ANXA8: variants seen among roughly 807,000 people sequenced by gnomAD.
ANXA8 encodes the protein annexin A8, also known as VAC-beta.
Under a neutral mutation model 26.8 loss-of-function variants are expected in ANXA8, and 9 were observed. The ratio of observed to expected loss-of-function variants is 0.34; its 90% CI spans 0.20 to 0.59. The LOEUF is 0.59. ANXA8 is among the 20% of genes least tolerant of loss of function. The pLI is 0.84. For synonymous variants in ANXA8, 39 were observed against 94.8 expected (o/e 0.41, Z 3.42); for missense variants, 83 against 238.5 (o/e 0.35, Z 4.29).
At chr10:47,714,301 C>T in the ANXA8 span, among the ~76,000 whole-genome samples, 2 of 141,694 alleles carry the variant, frequency 1.4e-5, no homozygotes, top group African/African-American at 5.2e-5. Flanking sequence ...TCTGTCTTTA[C>T]AGATTTACTG....
chr10:47,507,787 G>A, the ANXA8 span, among the ~76,000 whole-genome samples: 514 of 107,552 alleles, frequency 4.8e-3, 26 homozygotes, highest in African/African-American at 0.018. Context: ...GAAATATGCC[G>A]TTAGAAGACG....
the ANXA8 span, among the ~76,000 whole-genome samples, chr10:47,562,271 C>T: frequency 6.7e-6 from 1 of 148,942 alleles, no homozygotes; most frequent in African/African-American, 2.5e-5. Context: ...GAAGTTCTCT[C>T]AAACTGCCAG....
chr10:47,660,873 T>A, the ANXA8 span, among the ~76,000 whole-genome samples: 3 of 151,166 alleles, frequency 2.0e-5, no homozygotes, highest in African/African-American at 7.3e-5. Flanking sequence ...GATTCCCAAG[T>A]GCTACAGCAG....
chr10:47,683,620 T>A, the ANXA8 span, among the ~76,000 whole-genome samples: 6 of 152,068 alleles, frequency 3.9e-5, no homozygotes, highest in Admixed American at 3.9e-4. Flanking sequence ...AATAAAAGGA[T>A]GACTTTCTTT....
the ANXA8 span, chr10:47,599,802 A>G: frequency 6.7e-6 from 1 of 150,152 alleles, no homozygotes; most frequent in East Asian, 1.9e-4. Context: ...GGCTACGCAC[A>G]ATCTCAGGGG....
At chr10:47,519,888 C>T in the ANXA8 span, among the ~76,000 whole-genome samples, 1 of 544 alleles carries the variant, frequency 1.8e-3, no homozygotes, top group African/African-American at 8.5e-3. Context: ...GGCTTGTTGG[C>T]AAATAAATGA....
At chr10:47,558,295 G>T in the ANXA8 span, among the ~76,000 whole-genome samples, 30 of 151,896 alleles carry the variant, frequency 2.0e-4, no homozygotes, top group African/African-American at 7.3e-4. Flanking sequence ...TGAGCTGGAT[G>T]CACAGATTAC....
chr10:47,693,107 G>A, the ANXA8 span, among the ~76,000 whole-genome samples: 1 of 151,670 alleles, frequency 6.6e-6, no homozygotes, highest in Non-Finnish European at 1.5e-5. Context: ...GACACATGGT[G>A]TATTAGAGCA....
the ANXA8 span, among the ~76,000 whole-genome samples, chr10:47,953,865 T>A: frequency 8.4e-4 from 127 of 150,552 alleles, no homozygotes; most frequent in Non-Finnish European, 7.4e-5. Flanking sequence ...CCGGTTAAAG[T>A]GGCTTTTATC....
At chr10:47,521,746 T>C in the ANXA8 span, among the ~76,000 whole-genome samples, 2 of 151,376 alleles carry the variant, frequency 1.3e-5, no homozygotes, top group African/African-American at 4.9e-5. Context: ...ATCCCCTGCC[T>C]CTGCCAACAG....
At chr10:47,743,411 A>T in the ANXA8 span, among the ~76,000 whole-genome samples, 27 of 124,198 alleles carry the variant, frequency 2.2e-4, no homozygotes, top group South Asian at 5.6e-3. Context: ...TGTGTGAGAG[A>T]GAGAGAGAGA....
chr10:47,544,023 A>G, the ANXA8 span, among the ~76,000 whole-genome samples: 4 of 150,216 alleles, frequency 2.7e-5, no homozygotes, highest in Admixed American at 2.6e-4. Flanking sequence ...GGGGTATTCC[A>G]GGCTGAGAAA....
chr10:47,577,497 C>T, the ANXA8 span, among the ~76,000 whole-genome samples: 11 of 144,462 alleles, frequency 7.6e-5, 1 homozygote, highest in African/African-American at 1.3e-4. Flanking sequence ...AGTGAGACCC[C>T]GTCTCTACAA....
At chr10:47,982,835 A>ATATATATATATAT in the ANXA8 span, among the ~76,000 whole-genome samples, 7 of 12,792 alleles carry the variant, frequency 5.5e-4, no homozygotes, top group Non-Finnish European at 8.7e-4. Context: ...TATATATATA[A>ATATATATATATAT]AATTTGATAA....
At chr10:47,673,278 A>G in the ANXA8 span, among the ~76,000 whole-genome samples, 2 of 151,560 alleles carry the variant, frequency 1.3e-5, no homozygotes, top group African/African-American at 2.4e-5. Context: ...ACCTCTCCCA[A>G]GTATAGGGCA....
the ANXA8 span, among the ~76,000 whole-genome samples, chr10:47,603,325 T>C: frequency 1.3e-5 from 2 of 149,582 alleles, no homozygotes. Flanking sequence ...GAGTTCATAA[T>C]GTTTATCAGA....
the ANXA8 span, among the ~76,000 whole-genome samples, chr10:47,703,264 G>GA: frequency 0.014 from 2,058 of 149,908 alleles, 40 homozygotes; most frequent in Middle Eastern, 0.071. Context: ...TGAGAGAAAA[G>GA]AAAAAAAAAT....
the ANXA8 span, among the ~76,000 whole-genome samples, chr10:47,895,568 GCA>G: frequency 7.1e-6 from 1 of 140,910 alleles, no homozygotes; most frequent in Non-Finnish European, 1.5e-5. Context: ...TTGGATAAAG[GCA>G]CAGTGTTACA....
chr10:47,958,215 A>G, the ANXA8 span, among the ~76,000 whole-genome samples: 18 of 150,048 alleles, frequency 1.2e-4, no homozygotes, highest in Admixed American at 2.6e-4. Flanking sequence ...GTGGTGGTTC[A>G]TGCCTGTAAT....
Sources: gnomAD v4.1 joint callset for allele counts (sites outside exome capture counted in the v4.1 genomes callset) on GRCh38, gnomAD v4.1.1 for gene constraint, MANE v1.5 for transcripts, NCBI Gene and HGNC (gene_info 2026-07-23, HGNC 2026-07-21) for gene names.